Variants in PPP1R36 observed in about 807,000 individuals in gnomAD.
PPP1R36 encodes chromosome 14 open reading frame 50.
Under a neutral mutation model 53.4 loss-of-function variants are expected in PPP1R36, and 47 were observed. That is an observed-to-expected ratio of 0.88 (90% CI 0.70 to 1.12). The LOEUF is 1.12. PPP1R36 is among the 50% of genes most tolerant of loss of function. The pLI is 0.00. For synonymous variants in PPP1R36, 153 were observed against 170.5 expected, an observed-to-expected ratio of 0.90 and a Z score of 0.80; for missense variants, 456 against 513.9, an observed-to-expected ratio of 0.89 and a Z score of 1.09.
intron 8 of PPP1R36, 54 bp from the exon 9 acceptor site, chr14:64,586,783 C>G: frequency 8.0e-7 from 1 of 1,255,954 alleles, no homozygotes; most frequent in South Asian, 1.2e-5. Flanking sequence ...GGACTAGTAC[C>G]CTGAAAGATT....
At chr14:64,552,739 T>C in intron 2 of PPP1R36, 75 bp from the exon 3 acceptor site, 1 of 1,187,274 alleles carries the variant, frequency 8.4e-7, no homozygotes, top group East Asian at 2.4e-5. Context: ...AAAGTTTACA[T>C]TTTATAGAAT....
intron 3 of PPP1R36, among the ~76,000 whole-genome samples, chr14:64,558,303 G>T (rs1255231364): frequency 6.6e-6 from 1 of 152,162 alleles, no homozygotes; most frequent in Non-Finnish European, 1.5e-5. Context: ...ACTCAGCTGG[G>T]TGTGGTGGCT....
At chr14:64,550,271 C>G in intron 1 of PPP1R36, 1 of 1,374,474 alleles carries the variant, frequency 7.3e-7, no homozygotes, top group African/African-American at 1.5e-5. Context: ...GAATTGAATT[C>G]TGGCTCCCTG....
intron 7 of PPP1R36, among the ~76,000 whole-genome samples, chr14:64,569,896 G>A (rs1387203591): frequency 2.6e-5 from 4 of 151,616 alleles, no homozygotes; most frequent in South Asian, 2.1e-4. Flanking sequence ...CCACAACCAC[G>A]CCCAGCTAAT....
chr14:64,588,540 A>T (rs2080455835), intron 11 of PPP1R36: 10 of 304,910 alleles, frequency 3.3e-5, no homozygotes, highest in Non-Finnish European at 5.3e-5. Flanking sequence ...TCTAGTTTGG[A>T]GGAGTGAGTA....
chr14:64,571,725 A>G (rs1280472732), intron 7 of PPP1R36, among the ~76,000 whole-genome samples: 1 of 152,190 alleles, frequency 6.6e-6, no homozygotes, highest in Admixed American at 6.5e-5. Context: ...TAATAAAGAC[A>G]TACCCAACTG....
intron 6 of PPP1R36, among the ~76,000 whole-genome samples, chr14:64,566,617 TTGTA>T (rs2080259462): frequency 6.6e-6 from 1 of 152,178 alleles, no homozygotes; most frequent in Non-Finnish European, 1.5e-5. Context: ...TGTGGGCCCT[TTGTA>T]TGGCTATGCG....
At chr14:64,554,808 T>G (rs2080134221) in intron 3 of PPP1R36, among the ~76,000 whole-genome samples, 1 of 152,056 alleles carries the variant, frequency 6.6e-6, no homozygotes, top group Non-Finnish European at 1.5e-5. Context: ...AATGGAAAGA[T>G]AAGCAGGGGT....
At position 64,587,216 on chromosome 14, in the gene PPP1R36, A is replaced by G. The variant is rs1311014704; in HGVS notation, c.734A>G (p.Tyr245Cys). 7 of 1,611,036 alleles carry G rather than the reference A, an allele frequency of 4.3e-6. No individual in the cohort carries two copies. Among genetic ancestry groups the G allele is most frequent in the Non-Finnish European group, 5.9e-6 (7 of 1,178,850 alleles). ...TAGTCCTTTTATACTTTCTGTACATATGTGGCTTGGATTGTCTTCCGACGT... is the reference window on the plus strand; with the variant it reads ...TAGTCCTTTTATACTTTCTGTACATGTGTGGCTTGGATTGTCTTCCGACGT... ...FFESFYTFCT[Y>C]VAWIVFRRQH... Residue 245 changes from tyrosine (Y) to cysteine (C), a missense_variant, in exon 10 of 12, where the codon TAT becomes TGT. Tyr to Cys is a radical substitution (Grantham distance 194). Coordinates refer to ENST00000298705, the MANE Select transcript of PPP1R36 (RefSeq NM_172365.3).
intron 8 of PPP1R36, among the ~76,000 whole-genome samples, chr14:64,575,217 T>C (rs1034038831): frequency 6.6e-6 from 1 of 152,172 alleles, no homozygotes; most frequent in Non-Finnish European, 1.5e-5. Context: ...AGAACAGTTT[T>C]TTTCCCCCAT....
chr14:64,560,199 G>T (rs1486721373), intron 3 of PPP1R36, among the ~76,000 whole-genome samples: 1 of 150,068 alleles, frequency 6.7e-6, no homozygotes. Flanking sequence ...CCAGCGCTTT[G>T]GGAGACTGAG....
At chr14:64,552,081 G>A (rs900665860) in intron 2 of PPP1R36, among the ~76,000 whole-genome samples, 1 of 152,216 alleles carries the variant, frequency 6.6e-6, no homozygotes, top group Admixed American at 6.5e-5. Context: ...GATAGGATGT[G>A]GGGATTGGAT....
chr14:64,574,340 G>A, intron 7 of PPP1R36, 115 bp from the exon 8 acceptor site: 2 of 1,082,574 alleles, frequency 1.8e-6, no homozygotes, highest in Middle Eastern at 2.8e-4. Context: ...AGGTAGCAGA[G>A]CAAGACTCTG....
In PPP1R36 at chr14:64,589,205, C is replaced by A. The variant is rs139516717; in HGVS notation, c.1136C>A (p.Pro379His). ...RCLFNPHTLH[P>H]LDPEENTKSF... ...CTATTCAACCCACATACGCTTCACCCCCTTGATCCAGAAGAAAACACAAAA... is the reference window on the plus strand; with the variant it reads ...CTATTCAACCCACATACGCTTCACCACCTTGATCCAGAAGAAAACACAAAA... Residue 379 changes from proline to histidine, a missense_variant, in exon 12 of 12, where the codon CCC becomes CAC. Physicochemically the swap from Pro to His is moderately conservative, Grantham distance 77. Transcript: ENST00000298705. The A allele has an allele frequency of 6.2e-7, 1 of 1,614,022 alleles. No individual in the cohort carries two copies. Among genetic ancestry groups the A allele is most frequent in the East Asian group, 2.2e-5 (1 of 44,872 alleles).
intron 8 of PPP1R36, among the ~76,000 whole-genome samples, chr14:64,574,818 C>T (rs1375519618): frequency 6.6e-6 from 1 of 152,190 alleles, no homozygotes; most frequent in Non-Finnish European, 1.5e-5. Context: ...TAAAACTTTC[C>T]ACTGCTTGAG....
At chr14:64,580,280 G>C (rs1379082719) in intron 8 of PPP1R36, among the ~76,000 whole-genome samples, 1 of 152,064 alleles carries the variant, frequency 6.6e-6, no homozygotes, top group African/African-American at 2.4e-5. Context: ...ACTCCAACCT[G>C]GTGACAGAAC....
chr14:64,565,644 T>G lies in PPP1R36; in HGVS notation c.386T>G (p.Leu129Arg), dbSNP rs1596732945. ...TTTTCAGTTGTTACTTTGCTTTTGC[T>G]ACAAGATACTGAGATGCAGCGGATC... is the stretch of plus-strand genomic sequence containing the variant. The part of the protein sequence containing the change: ...DDVKFVTLLL[L>R]QDTEMQRICS... Residue 129 changes from leucine (L) to arginine (R), a missense_variant, in exon 6 of 12, where the codon CTA becomes CGA. By Grantham distance (102) the Leu-to-Arg change is moderately radical (BLOSUM62 -2). Transcript: ENST00000298705. 1 of 1,613,912 alleles carries G rather than the reference T, an allele frequency of 6.2e-7. No individual in the cohort carries two copies. The highest frequency in any genetic ancestry group is 1.1e-5 in the South Asian group (1 of 91,066).
At chr14:64,583,578 GC>G (rs1330481462) in intron 8 of PPP1R36, among the ~76,000 whole-genome samples, 2 of 152,078 alleles carry the variant, frequency 1.3e-5, no homozygotes, top group African/African-American at 2.4e-5. Context: ...ACTTCAGGAG[GC>G]CGAGACAGGC....
intron 3 of PPP1R36, among the ~76,000 whole-genome samples, chr14:64,555,321 G>A (rs1211482186): frequency 2.6e-5 from 4 of 152,178 alleles, no homozygotes; most frequent in Admixed American, 2.0e-4. Context: ...TGTTAACATC[G>A]TTCTCGAACA....
Sources: allele counts gnomAD v4.1 joint callset (sites outside exome capture counted in the v4.1 genomes callset), GRCh38; gene constraint gnomAD v4.1.1; transcripts MANE v1.5; gene names NCBI Gene and HGNC (gene_info 2026-07-23, HGNC 2026-07-21).